Variants in PM20D1 observed in about 807,000 individuals in gnomAD.
PM20D1 encodes the protein N-fatty-acyl-amino acid synthase/hydrolase PM20D1.
In PM20D1, 53 loss-of-function variants were observed where a neutral mutation model predicts 53.8. The ratio of observed to expected loss-of-function variants is 0.98; its 90% CI spans 0.79 to 1.24. PM20D1 has a LOEUF of 1.24. Ranked by LOEUF, PM20D1 falls within the 50% of genes most tolerant of loss-of-function variation. The pLI, the probability that PM20D1 is intolerant of heterozygous loss-of-function variation, is 0.00. For synonymous variants in PM20D1, 239 were observed against 241.3 expected (o/e 0.99, Z 0.09); for missense variants, 564 against 616.8 (o/e 0.91, Z 0.91).
At chr1:205,846,839 G>C (rs1388826510) in intron 2 of PM20D1, among the ~76,000 whole-genome samples, 1 of 151,864 alleles carries the variant, frequency 6.6e-6, no homozygotes, top group Non-Finnish European at 1.5e-5. Context: ...GAAGACTATG[G>C]TTTTATCTTG....
rs1410812582 is a variant in PM20D1 at position 205,844,813 on chromosome 1, C to T, written c.574G>A (p.Glu192Lys). 4.3e-6 allele frequency: 7 copies of T among 1,613,408 alleles called. No homozygotes were observed. Among genetic ancestry groups the T allele is most frequent in the Non-Finnish European group, 5.9e-6 (7 of 1,179,636 alleles). ...GGTATAAGGTGAGGAGGCTCTACCT[C>T]CTCATCATGGCCCAGAGAAATGAAG... ...SFFISLGHDEESSGTGAQRIS... is the reference protein window; with the variant it reads ...SFFISLGHDEKSSGTGAQRIS... The change falls in exon 4 of 13, where the codon GAG becomes AAG. Residue 192 changes from glutamate (E) to lysine (K), a missense_variant and splice_region_variant. Coordinates refer to ENST00000367136, the MANE Select transcript of PM20D1 (RefSeq NM_152491.5).
intron 8 of PM20D1, 36 bp from the exon 9 acceptor site, chr1:205,841,925 A>T (rs1219975641): frequency 6.5e-7 from 1 of 1,532,530 alleles, no homozygotes; most frequent in Admixed American, 2.0e-5. Context: ...TGTTAGAAAG[A>T]ACCAATGGGG....
rs74143855 is a variant in PM20D1 at position 205,844,788 on chromosome 1, G to C, written c.576+23C>G. On this transcript the variant is annotated intron_variant, in intron 4 of 12. Transcript: ENST00000367136. ...CTACCCTCAACAGAGGACAGAGATA[G>C]GTATAAGGTGAGGAGGCTCTACCTC... 3.6e-4 allele frequency: 575 copies of C among 1,603,266 alleles called. 4 individuals are homozygous for C. In the African/African-American group the frequency reaches 6.6e-3, roughly 18 times the overall value.
chr1:205,837,195 T>G (rs1340700436), intron 10 of PM20D1, among the ~76,000 whole-genome samples: 1 of 152,238 alleles, frequency 6.6e-6, no homozygotes, highest in Non-Finnish European at 1.5e-5. Context: ...GAAGAATGTC[T>G]AGTCCACAGT....
chr1:205,831,010 C>T (rs1158750792), intron 11 of PM20D1, among the ~76,000 whole-genome samples: 2 of 152,168 alleles, frequency 1.3e-5, no homozygotes, highest in African/African-American at 2.4e-5. Flanking sequence ...AAAATATCAC[C>T]GTCTTGAATT....
chr1:205,837,142 T>C (rs1656702302), intron 10 of PM20D1, among the ~76,000 whole-genome samples: 11 of 152,242 alleles, frequency 7.2e-5, no homozygotes, highest in Admixed American at 7.2e-4. Context: ...ACCATTAGAA[T>C]GGGAATCTTG....
At chr1:205,842,322 T>A in intron 7 of PM20D1, 107 bp from the exon 8 acceptor site, 1 of 982,080 alleles carries the variant, frequency 1.0e-6, no homozygotes, top group Non-Finnish European at 1.6e-6. Context: ...CCCTTAGCAG[T>A]CAGGAGTGCT....
chr1:205,843,573 G>A, intron 6 of PM20D1, 94 bp downstream of exon 6: 3 of 1,501,378 alleles, frequency 2.0e-6, no homozygotes, highest in Non-Finnish European at 1.8e-6. Context: ...CCCAACTTTA[G>A]GGCAGGAAGC....
chr1:205,828,161 G>C lies in PM20D1; in HGVS notation c.*459C>G. The C allele has an allele frequency of 6.3e-6, 1 of 157,642 alleles. No homozygotes were observed. Among genetic ancestry groups the C allele is most frequent in the Admixed American group, 6.3e-5 (1 of 15,970 alleles). The allele number at this position is 157,642 out of a possible 1,614,324, so 9.8% of individuals were successfully genotyped here. A position where few individuals can be genotyped will look rare whatever the true frequency, so the allele number is the denominator to read the frequency against. ...GCAGGAGAGAGAGGAGAGATGAAGAGACAGCTCATGAGTCCAAGAAGAGAG... is the reference window on the plus strand; with the variant it reads ...GCAGGAGAGAGAGGAGAGATGAAGACACAGCTCATGAGTCCAAGAAGAGAG... On this transcript the variant is annotated 3_prime_UTR_variant, in exon 13 of 13. Coordinates refer to ENST00000367136, the MANE Select transcript of PM20D1 (RefSeq NM_152491.5).
In PM20D1 at chr1:205,832,607, T is replaced by C; in HGVS notation, c.1276A>G (p.Thr426Ala). The C allele has an allele frequency of 6.2e-7, 1 of 1,614,040 alleles. No individual in the cohort carries two copies. The highest frequency in any genetic ancestry group is 1.1e-5 in the South Asian group (1 of 91,076). The change falls in exon 11 of 13, where the codon ACT (threonine) becomes GCT (alanine). Residue 426 changes from threonine (T) to alanine (A), a missense_variant. Thr to Ala is a moderately conservative substitution (Grantham distance 58). Transcript: ENST00000367136. ...CTGATGAAGTCATTACCTGGGGCAG[T>C]AATATTGACTTCCGGGAAGACGGAC... is the stretch of plus-strand genomic sequence containing the variant. Reference protein sequence around the residue: ...VQSVFPEVNITAPVTSIGNTD... With the variant: ...VQSVFPEVNIAAPVTSIGNTD...
intron 1 of PM20D1, among the ~76,000 whole-genome samples, chr1:205,849,386 C>T (rs1002969107): frequency 6.6e-6 from 1 of 152,188 alleles, no homozygotes. Flanking sequence ...TCTTTAGAGC[C>T]ATCTGATCCC....
chr1:205,842,275 A>T (rs1656829787), intron 7 of PM20D1, 60 bp from the exon 8 acceptor site: 2 of 1,469,964 alleles, frequency 1.4e-6, no homozygotes, highest in Admixed American at 3.3e-5. Context: ...GGTCTCTGAG[A>T]CCTGAGTCTC....
At position 205,841,796 on chromosome 1, in the gene PM20D1, A is replaced by G; in HGVS notation, c.1044+15T>C. 1.3e-6 allele frequency: 2 copies of G among 1,556,244 alleles called. No individual in the cohort carries two copies. Among genetic ancestry groups the G allele is most frequent in the Non-Finnish European group, 1.7e-6 (2 of 1,147,872 alleles). Reference sequence around the variant, plus strand: ...GGTAGGGAAAAGCTATATGGGGAGGAACCAGGGATGTTACCTTGACCCCTG... The same window carrying G: ...GGTAGGGAAAAGCTATATGGGGAGGGACCAGGGATGTTACCTTGACCCCTG... On this transcript the variant is annotated intron_variant, in intron 9 of 12. Transcript: ENST00000367136.
chr1:205,837,930 G>A (rs1350834297), intron 10 of PM20D1, among the ~76,000 whole-genome samples: 1 of 152,114 alleles, frequency 6.6e-6, no homozygotes, highest in South Asian at 2.1e-4. Flanking sequence ...CCCAGGGAGA[G>A]GACAAAGGTT....
intron 1 of PM20D1, among the ~76,000 whole-genome samples, 154 bp from the exon 2 acceptor site, chr1:205,848,125 C>G (rs1350730755): frequency 1.3e-5 from 2 of 152,166 alleles, no homozygotes; most frequent in East Asian, 3.8e-4. Context: ...TCCTCTAATT[C>G]GAAGATGAGG....
At position 205,845,408 on chromosome 1, in the gene PM20D1, A is replaced by G. The variant is rs779374576; in HGVS notation, c.406T>C (p.Trp136Arg). 2 of 1,614,212 alleles carry G rather than the reference A, an allele frequency of 1.2e-6. No homozygotes were observed. Among genetic ancestry groups the G allele is most frequent in the Non-Finnish European group, 1.7e-6 (2 of 1,180,036 alleles). The change falls in exon 3 of 13, where the codon TGG becomes CGG. Residue 136 changes from tryptophan (W) to arginine (R), a missense_variant. Transcript: ENST00000367136. ...AACCCAGAGAATGGGGGCACCTCCC[A>G]GCCTTCTTCAGGGGCAGGCACCACA... ...FDVVPAPEEG[W>R]EVPPFSGLER...
Position 205,840,300 on chromosome 1 carries a change from G to C in PM20D1, c.1068C>G (p.Ala356=). Residue 356 remains alanine (A), a synonymous_variant, in exon 10 of 13, where the codon GCC becomes GCG. Coordinates refer to ENST00000367136, the MANE Select transcript of PM20D1 (RefSeq NM_152491.5). ...GVKFNVIPPV[A]QATVNFRIHP... ...GAATCCGGAAGTTGACTGTGGCCTGGGCCACTGGGGGGATGACATTGAACT... is the reference window on the plus strand; with the variant it reads ...GAATCCGGAAGTTGACTGTGGCCTGCGCCACTGGGGGGATGACATTGAACT... The C allele has an allele frequency of 6.2e-7, 1 of 1,614,050 alleles. No individual in the cohort carries two copies. The highest frequency in any genetic ancestry group is 8.5e-7 in the Non-Finnish European group (1 of 1,179,974).
Position 205,850,047 on chromosome 1 carries a change from A to C in PM20D1, c.26T>G (p.Leu9Arg). ...TAGGAGCAGCATAGCCACCAGGGCC[A>C]GCACGCAAACGCACCGCTGAGCCAT... MAQRCVCV[L>R]ALVAMLLLVF... is the part of the protein sequence containing the mutation. Residue 9 changes from leucine (L) to arginine (R), a missense_variant, in exon 1 of 13, where the codon CTG (leucine) becomes CGG (arginine). By Grantham distance (102) the Leu-to-Arg change is moderately radical. Transcript: ENST00000367136. 1 of 1,614,066 alleles carries C rather than the reference A, an allele frequency of 6.2e-7. No homozygotes were observed. The highest frequency in any genetic ancestry group is 8.5e-7 in the Non-Finnish European group (1 of 1,179,908).
At chr1:205,849,089 T>C (rs1657069448) in intron 1 of PM20D1, among the ~76,000 whole-genome samples, 1 of 152,232 alleles carries the variant, frequency 6.6e-6, no homozygotes, top group Admixed American at 6.5e-5. Flanking sequence ...ATCCAACTAT[T>C]GGGGTTAGCT....
Sources: gnomAD v4.1 joint callset for allele counts (sites outside exome capture counted in the v4.1 genomes callset) on GRCh38, gnomAD v4.1.1 for gene constraint, MANE v1.5 for transcripts, NCBI Gene and HGNC (gene_info 2026-07-23, HGNC 2026-07-21) for gene names.